Variants in PPARA observed in about 807,000 individuals in gnomAD.
PPARA encodes peroxisome proliferator activated receptor alpha, also known as peroxisome proliferator-activated receptor alpha.
Under a neutral mutation model 42.2 loss-of-function variants are expected in PPARA, and 22 were observed. The ratio of observed to expected loss-of-function variants is 0.52; its 90% CI spans 0.37 to 0.74. The LOEUF (loss-of-function observed/expected upper bound fraction) is 0.74, where lower values mean the gene tolerates loss of function less well. PPARA is among the 30% of genes least tolerant of loss of function. PPARA has a pLI of 0.00. For missense variants in PPARA, 465 were observed against 608.2 expected, an observed-to-expected ratio of 0.76 and a Z score of 2.48; for synonymous variants, 242 against 239.3, an observed-to-expected ratio of 1.01 and a Z score of -0.10.
chr22:46,205,034 A>AT lies in PPARA; in HGVS notation c.208+6455dup, dbSNP rs879414551. ...AGGTGTGTACCACCATGCTTGGCTA[A>AT]TTTTTTTTTTTTAGATACAGAGACT... On this transcript the variant is annotated intron_variant, in intron 4 of 8. Coordinates refer to ENST00000407236, the MANE Select transcript of PPARA (RefSeq NM_005036.6). 2.0e-3 allele frequency among the ~76,000 whole-genome samples: 289 copies of AT among 144,080 alleles called. 1 individual carries two copies. Among genetic ancestry groups the AT allele is most frequent in the East Asian group, 0.019 (97 of 4,976 alleles). 94.5% of individuals were successfully genotyped at this position (144,080 alleles called of 152,430 possible).
chr22:46,185,734 A>C (rs1173572188), intron 3 of PPARA, among the ~76,000 whole-genome samples: 2 of 149,548 alleles, frequency 1.3e-5, no homozygotes, highest in African/African-American at 4.9e-5. Context: ...GTCTCTACTA[A>C]AAATACAAAA....
At position 46,156,777 on chromosome 22, in the gene PPARA, T is replaced by G. The variant is rs1339979987; in HGVS notation, c.-127+4807T>G. ...CCACCACGCCCAGCTAATTTTTGTA[T>G]TTTTAGTAGAGATGGAGTTTCACCA... On this transcript the variant is annotated intron_variant, in intron 2 of 8. Coordinates refer to ENST00000407236, the MANE Select transcript of PPARA (RefSeq NM_005036.6). This position sits in a 1 kb window ranked among gnomAD's most constrained non-coding sequence, Gnocchi z 5.2. Among the ~76,000 whole-genome samples, 1 of 152,144 alleles carries G rather than the reference T, an allele frequency of 6.6e-6. No individual in the cohort carries two copies. The highest frequency in any genetic ancestry group is 2.4e-5 in the African/African-American group (1 of 41,434).
chr22:46,199,966 G>A lies in PPARA; in HGVS notation c.208+1375G>A, dbSNP rs184957129. The stretch of plus-strand genomic sequence containing the variant: ...TCAAACTCCTGACGTCAGGTGGTCC[G>A]CCTGCCTCAGCCTCCCAAAGTGCAG... On this transcript the variant is annotated intron_variant, in intron 4 of 8. Coordinates refer to ENST00000407236, the MANE Select transcript of PPARA (RefSeq NM_005036.6). 3.9e-3 allele frequency among the ~76,000 whole-genome samples: 596 copies of A among 152,186 alleles called. 1 individual carries two copies. The highest frequency in any genetic ancestry group is 6.3e-3 in the Admixed American group (97 of 15,294).
intron 4 of PPARA, among the ~76,000 whole-genome samples, chr22:46,214,876 C>G (rs959919252): frequency 1.4e-5 from 2 of 147,268 alleles, no homozygotes; most frequent in Non-Finnish European, 3.0e-5. Context: ...CGGAGATATG[C>G]GGGGCGGAGA....
intron 4 of PPARA, among the ~76,000 whole-genome samples, chr22:46,210,433 C>G (rs891004875): frequency 4.7e-5 from 7 of 150,404 alleles, no homozygotes; most frequent in South Asian, 2.1e-4. Context: ...TTCATGTGTC[C>G]TGTAATTTTC....
intron 3 of PPARA, among the ~76,000 whole-genome samples, chr22:46,197,249 C>T (rs1932371005): frequency 6.6e-6 from 1 of 151,642 alleles, no homozygotes. Context: ...GGGGTTTTGC[C>T]ATGTTGGCCA....
rs977799200 is a variant in PPARA, at chr22:46,211,754, C to T, written c.209-3419C>T. On this transcript the variant is annotated intron_variant, in intron 4 of 8. Coordinates refer to ENST00000407236, the MANE Select transcript of PPARA (RefSeq NM_005036.6). This position sits in a 1 kb window ranked among gnomAD's most constrained non-coding sequence, Gnocchi z 4.1. ...AGGCTGGAGTGCAGTGGCACAATCT[C>T]GGCTCACTACAACCTCCGTCTCCTG... Among the ~76,000 whole-genome samples, 4 of 150,456 alleles carry T rather than the reference C, an allele frequency of 2.7e-5. No homozygotes were observed. Among genetic ancestry groups the T allele is most frequent in the Non-Finnish European group, 4.4e-5 (3 of 67,598 alleles).
At chr22:46,210,627 AGAGAC>A (rs1323202444) in intron 4 of PPARA, among the ~76,000 whole-genome samples, 1 of 152,018 alleles carries the variant, frequency 6.6e-6, no homozygotes, top group African/African-American at 2.4e-5. Flanking sequence ...TATTTTTAGC[AGAGAC>A]GGGGTTTCAC....
rs41355347 is a variant in PPARA at position 46,241,614 on chromosome 22, G to A, written c.*6234G>A. 11,758 of 152,224 alleles carry A rather than the reference G, an allele frequency of 0.077. 590 individuals are homozygous for A. The highest frequency in any genetic ancestry group is 0.11 in the Non-Finnish European group (7,629 of 68,026). 9.4% of individuals were successfully genotyped at this position (152,224 alleles called of 1,614,324 possible). A position where few individuals can be genotyped will look rare whatever the true frequency, so the allele number is the denominator to read the frequency against. On this transcript the variant is annotated 3_prime_UTR_variant, in exon 9 of 9. Coordinates refer to ENST00000407236, the MANE Select transcript of PPARA (RefSeq NM_005036.6). This position sits in a 1 kb window ranked among gnomAD's most constrained non-coding sequence, Gnocchi z 5.7. ...TTGCCAGCTCTGGACATCTGAGGAC[G>A]TCCCGGCAGATCTGGAATGGGGCCC...
intron 2 of PPARA, among the ~76,000 whole-genome samples, chr22:46,174,687 C>T (rs981803484): frequency 1.3e-5 from 2 of 152,018 alleles, no homozygotes; most frequent in African/African-American, 4.8e-5. Flanking sequence ...CATCATGGTT[C>T]GTGCCTGTAG....
In PPARA at chr22:46,193,776, G is replaced by A. The variant is rs1273469734; in HGVS notation, c.-42-4566G>A. 6.6e-6 allele frequency among the ~76,000 whole-genome samples: 1 copy of A among 152,154 alleles called. No homozygotes were observed. The highest frequency in any genetic ancestry group is 2.4e-5 in the African/African-American group (1 of 41,444). On this transcript the variant is annotated intron_variant, in intron 3 of 8. Transcript: ENST00000407236. The surrounding 1 kb of genome is among the most constrained non-coding windows in gnomAD (Gnocchi z 5.3). ...ACCTGTCCCTCACCTCTCAGCTTTT[G>A]TGAGACTCTGTCTGTGCTATGAAAC...
In PPARA at chr22:46,196,121, G is replaced by T. The variant is rs1041335695; in HGVS notation, c.-42-2221G>T. On this transcript the variant is annotated intron_variant, in intron 3 of 8. Coordinates refer to ENST00000407236, the MANE Select transcript of PPARA (RefSeq NM_005036.6). This position sits in a 1 kb window ranked among gnomAD's most constrained non-coding sequence, Gnocchi z 5.6. Reference sequence around the variant, plus strand: ...AATGTGGAAGGGCTGGGAACAGTGTGTTCAGGAGACTGGGCTTCAATCTGG... The same window carrying T: ...AATGTGGAAGGGCTGGGAACAGTGTTTTCAGGAGACTGGGCTTCAATCTGG... Among the ~76,000 whole-genome samples the T allele has an allele frequency of 2.0e-5, 3 of 152,214 alleles. No homozygotes were observed. Among genetic ancestry groups the T allele is most frequent in the African/African-American group, 7.2e-5 (3 of 41,460 alleles).
At chr22:46,206,184 C>G (rs1027463475) in intron 4 of PPARA, among the ~76,000 whole-genome samples, 1 of 152,156 alleles carries the variant, frequency 6.6e-6, no homozygotes, top group Non-Finnish European at 1.5e-5. Flanking sequence ...TCACTGCAAC[C>G]TCTGCCTCCT....
Position 46,235,228 on chromosome 22 carries a change from G to A in PPARA, c.1255G>A (p.Asp419Asn), listed in dbSNP as rs764512490. The A allele has an allele frequency of 9.9e-6, 16 of 1,613,974 alleles. No individual in the cohort carries two copies. In the African/African-American group the frequency reaches 1.1e-4, roughly 11 times the overall value. ...RLHLQSNHPDDIFLFPKLLQK... is the reference protein window; with the variant it reads ...RLHLQSNHPDNIFLFPKLLQK... ...CCACCTGCAGAGCAACCACCCGGAC[G>A]ATATCTTTCTCTTCCCAAAACTTCT... The change falls in exon 9 of 9, where the codon GAT (aspartate) becomes AAT (asparagine). Residue 419 changes from aspartate to asparagine, a missense_variant. Coordinates refer to ENST00000407236, the MANE Select transcript of PPARA (RefSeq NM_005036.6). The surrounding 1 kb of genome is among the most constrained non-coding windows in gnomAD (Gnocchi z 7.0).
intron 2 of PPARA, among the ~76,000 whole-genome samples, chr22:46,153,923 T>C (rs1461269148): frequency 2.0e-5 from 3 of 152,174 alleles, no homozygotes; most frequent in African/African-American, 7.2e-5. Context: ...AAATGTGTCT[T>C]CTTTATACAC....
chr22:46,223,961 AAAAG>A (rs1380666727), intron 7 of PPARA, among the ~76,000 whole-genome samples: 1 of 151,990 alleles, frequency 6.6e-6, no homozygotes, highest in Non-Finnish European at 1.5e-5. Flanking sequence ...AAAAAAAAAA[AAAAG>A]AAAGAAATGA....
At chr22:46,199,485 T>A (rs1463040286) in intron 4 of PPARA, among the ~76,000 whole-genome samples, 1 of 151,704 alleles carries the variant, frequency 6.6e-6, no homozygotes, top group African/African-American at 2.4e-5. Flanking sequence ...AAATTTAAAA[T>A]TAAAAAAAAT....
chr22:46,169,140 A>G (rs1418228992), intron 2 of PPARA, among the ~76,000 whole-genome samples: 1 of 152,012 alleles, frequency 6.6e-6, no homozygotes. Context: ...GTCAATACCC[A>G]TAAAATGTAC....
chr22:46,179,925 G>A (rs972444631), intron 3 of PPARA, among the ~76,000 whole-genome samples: 3 of 152,162 alleles, frequency 2.0e-5, no homozygotes, highest in African/African-American at 7.2e-5. Context: ...CATTGTCAAA[G>A]AAGATAGATG....
Sources: allele counts gnomAD v4.1 joint callset (sites outside exome capture counted in the v4.1 genomes callset), GRCh38; gene constraint gnomAD v4.1.1; non-coding constraint Gnocchi (gnomAD v3.1); transcripts MANE v1.5; gene names NCBI Gene and HGNC (gene_info 2026-07-23, HGNC 2026-07-21).